MPDZ: variants seen among roughly 807,000 people sequenced by gnomAD.
MPDZ encodes multiple PDZ domain protein.
In MPDZ, 234 loss-of-function variants were observed where a neutral mutation model predicts 239.1. The ratio of observed to expected loss-of-function variants is 0.98; its 90% CI spans 0.88 to 1.09. MPDZ has a LOEUF of 1.09. Ranked by LOEUF, MPDZ falls within the 50% of genes least tolerant of loss-of-function variation. The probability of loss-of-function intolerance (pLI) is 0.00; values close to 1 mark genes in which losing one functional copy is unlikely to be tolerated. For missense variants in MPDZ, 3,175 were observed against 2,510.0 expected, an observed-to-expected ratio of 1.26 and a Z score of -5.66; for synonymous variants, 1,048 against 881.3, an observed-to-expected ratio of 1.19 and a Z score of -3.35.
At chr9:13,257,175 A>G (rs1011548974) in intron 1 of MPDZ, among the ~76,000 whole-genome samples, 9 of 152,330 alleles carry the variant, frequency 5.9e-5, no homozygotes, top group African/African-American at 1.4e-4. Flanking sequence ...TCTCAGAACC[A>G]TAAGACATAC....
At chr9:13,223,850 A>T in intron 4 of MPDZ, 140 bp from the exon 5 acceptor site, 1 of 778,240 alleles carries the variant, frequency 1.3e-6, no homozygotes, top group Non-Finnish European at 1.9e-6. Flanking sequence ...TGGGCTACAT[A>T]ATGTGACCCC....
At chr9:13,198,787 T>C (rs2135395504) in intron 12 of MPDZ, among the ~76,000 whole-genome samples, 1 of 56,368 alleles carries the variant, frequency 1.8e-5, no homozygotes, top group East Asian at 5.0e-4. Context: ...GTGTGTGTTT[T>C]AGGACAGGCC....
Position 13,125,334 on chromosome 9 carries a change from C to T in MPDZ, c.4689G>A (p.Glu1563=). The part of the protein sequence containing the change: ...KMTVKLTIHA[E]NPDSQAVPSA... ...AAGGAACAGCCTGGGAATCTGGATTCTCAGCATGGATGGTAAGTTTTACTG... is the reference window on the plus strand; with the variant it reads ...AAGGAACAGCCTGGGAATCTGGATTTTCAGCATGGATGGTAAGTTTTACTG... The change falls in exon 35 of 47, where the codon GAG becomes GAA. Residue 1563 remains glutamate (E), a synonymous_variant. Transcript: ENST00000319217. 1 of 1,613,858 alleles carries T rather than the reference C, an allele frequency of 6.2e-7. No homozygotes were observed. Among genetic ancestry groups the T allele is most frequent in the South Asian group, 1.1e-5 (1 of 91,084 alleles).
rs538056217 is a variant in MPDZ at position 13,123,428 on chromosome 9, T to C, written c.4808-130A>G. 4.9e-4 allele frequency: 305 copies of C among 627,248 alleles called. No individual in the cohort carries two copies. The African/African-American group carries it at 4.9e-3, about 10-fold the overall frequency. The allele number at this position is 627,248 out of a possible 1,614,324, so 38.9% of individuals were successfully genotyped here. A position where few individuals can be genotyped will look rare whatever the true frequency, so the allele number is the denominator to read the frequency against. On this transcript the variant is annotated intron_variant, in intron 35 of 46. Coordinates refer to ENST00000319217, the MANE Select transcript of MPDZ (RefSeq NM_001378778.1). ...GCCCATGACTGTGGGAAAAGAGACTTTGTATTTACCTCAATCTTTTAATTA... is the reference window on the plus strand; with the variant it reads ...GCCCATGACTGTGGGAAAAGAGACTCTGTATTTACCTCAATCTTTTAATTA...
At chr9:13,215,199 C>A (rs1477117321) in intron 10 of MPDZ, among the ~76,000 whole-genome samples, 2 of 151,796 alleles carry the variant, frequency 1.3e-5, no homozygotes, top group Non-Finnish European at 2.9e-5. Flanking sequence ...TACTTCATAT[C>A]AGTGAAATCG....
intron 10 of MPDZ, among the ~76,000 whole-genome samples, chr9:13,211,263 G>T (rs1433234508): frequency 1.3e-5 from 2 of 152,082 alleles, no homozygotes; most frequent in Non-Finnish European, 2.9e-5. Context: ...AGGGGAAAGG[G>T]AAGAACCTTC....
intron 43 of MPDZ, 42 bp from the exon 44 acceptor site, chr9:13,110,782 A>G (rs1942328644): frequency 2.0e-6 from 3 of 1,478,856 alleles, no homozygotes; most frequent in South Asian, 2.4e-5. Flanking sequence ...TAAAGCAGCC[A>G]TGGAGAGTGG....
chr9:13,235,447 G>A (rs1226331346), intron 3 of MPDZ, among the ~76,000 whole-genome samples: 1 of 152,086 alleles, frequency 6.6e-6, no homozygotes, highest in African/African-American at 2.4e-5. Context: ...TAATTAAAGT[G>A]ACAAAATGCT....
At chr9:13,189,066 T>C in intron 16 of MPDZ, 73 bp from the exon 17 acceptor site, 3 of 1,287,746 alleles carry the variant, frequency 2.3e-6, no homozygotes, top group Non-Finnish European at 3.2e-6. Context: ...CCACTCTAAA[T>C]CGTAACGAAT....
At chr9:13,113,458 T>C (rs1406667992) in intron 41 of MPDZ, among the ~76,000 whole-genome samples, 3 of 152,142 alleles carry the variant, frequency 2.0e-5, no homozygotes, top group Non-Finnish European at 1.5e-5. Context: ...GAGATTGCCA[T>C]ATTGTTAGTT....
intron 46 of MPDZ, among the ~76,000 whole-genome samples, chr9:13,107,733 G>C (rs923753922): frequency 6.6e-6 from 1 of 152,074 alleles, no homozygotes; most frequent in Non-Finnish European, 1.5e-5. Context: ...GACCCTAAAT[G>C]ATTAAGATTA....
chr9:13,136,932 T>A (rs562173586), intron 29 of MPDZ, 129 bp from the exon 30 acceptor site: 48 of 473,596 alleles, frequency 1.0e-4, no homozygotes, highest in African/African-American at 9.1e-4. Flanking sequence ...TGTTATATAT[T>A]TTCCTCCCCA....
intron 10 of MPDZ, among the ~76,000 whole-genome samples, chr9:13,215,451 A>C (rs1308580210): frequency 4.0e-5 from 6 of 150,864 alleles, no homozygotes; most frequent in Non-Finnish European, 8.9e-5. Context: ...ATATATATAT[A>C]TATCACATTT....
chr9:13,264,229 T>C (rs1227844787), intron 1 of MPDZ, among the ~76,000 whole-genome samples: 8 of 152,190 alleles, frequency 5.3e-5, no homozygotes, highest in Admixed American at 2.0e-4. Flanking sequence ...AGATGGTTGG[T>C]CTGAGGCAAA....
chr9:13,236,612 CTTCT>C (rs1291793269), intron 3 of MPDZ, among the ~76,000 whole-genome samples: 2 of 151,664 alleles, frequency 1.3e-5, no homozygotes, highest in African/African-American at 2.4e-5. Context: ...TCGTTTTCTT[CTTCT>C]TTAAGAAGGC....
intron 16 of MPDZ, among the ~76,000 whole-genome samples, chr9:13,189,634 G>C (rs1954626442): frequency 6.6e-6 from 1 of 152,084 alleles, no homozygotes; most frequent in African/African-American, 2.4e-5. Flanking sequence ...TCCTCCCTTA[G>C]CAAAGAATGC....
intron 1 of MPDZ, 101 bp downstream of exon 1, chr9:13,279,299 A>ACCCCCGCCCCCGCCCCC (rs1564192602): frequency 5.3e-5 from 6 of 113,994 alleles, no homozygotes; most frequent in Non-Finnish European, 9.3e-5. Context: ...CCCCACCCCC[A>ACCCCCGCCCCCGCCCCC]AGCGCCGAGC....
intron 5 of MPDZ, 41 bp from the exon 6 acceptor site, chr9:13,222,487 T>G (rs1587914850): frequency 4.0e-6 from 6 of 1,499,490 alleles, no homozygotes; most frequent in Non-Finnish European, 5.6e-6. Context: ...AATCTGAGAG[T>G]TCTCAAGGAA....
chr9:13,219,059 A>C (rs1958722576), intron 8 of MPDZ, among the ~76,000 whole-genome samples: 2 of 151,976 alleles, frequency 1.3e-5, no homozygotes, highest in Non-Finnish European at 2.9e-5. Flanking sequence ...GACATACTTT[A>C]AAACAATAAC....
Sources: gnomAD v4.1 joint callset for allele counts (sites outside exome capture counted in the v4.1 genomes callset) on GRCh38, gnomAD v4.1.1 for gene constraint, MANE v1.5 for transcripts, NCBI Gene and HGNC (gene_info 2026-07-23, HGNC 2026-07-21) for gene names.